The following ELAC1 variants were observed in gnomAD, a reference collection of about 807,000 sequenced individuals.
ELAC1 encodes elaC ribonuclease Z 1, also known as zinc phosphodiesterase ELAC protein 1.
Under a neutral mutation model 25.8 loss-of-function variants are expected in ELAC1, and 19 were observed. The ratio of observed to expected loss-of-function variants is 0.74; its 90% CI spans 0.51 to 1.08. The LOEUF is 1.08. Ranked by LOEUF, ELAC1 falls within the 50% of genes least tolerant of loss-of-function variation. The pLI is 0.00. For synonymous variants in ELAC1, 148 were observed against 160.9 expected, an observed-to-expected ratio of 0.92 and a Z score of 0.61; for missense variants, 403 against 434.6, an observed-to-expected ratio of 0.93 and a Z score of 0.65.
intron 2 of ELAC1, among the ~76,000 whole-genome samples, chr18:50,976,679 A>G (rs1907803571): frequency 6.6e-6 from 1 of 152,106 alleles, no homozygotes; most frequent in South Asian, 2.1e-4. Context: ...CCAGAACCTT[A>G]TGTCCTCACA....
In ELAC1 at chr18:50,986,684, G is replaced by A. The variant is rs752537627; in HGVS notation, c.691G>A (p.Val231Ile). The change falls in exon 4 of 4, where the codon GTT (valine) becomes ATT (isoleucine). Residue 231 changes from valine to isoleucine, a missense_variant. Val to Ile is a conservative substitution (Grantham distance 29). Coordinates refer to ENST00000269466, the MANE Select transcript of ELAC1 (RefSeq NM_018696.3). Reference sequence around the variant, plus strand: ...AATTTCTGTTGTTCTGGAAAATGGGGTTACAATTTCTCCCCAAGATGTCTT... The same window carrying A: ...AATTTCTGTTGTTCTGGAAAATGGGATTACAATTTCTCCCCAAGATGTCTT... ...NGISVVLENG[V>I]TISPQDVLKK... The A allele has an allele frequency of 8.1e-6, 13 of 1,613,984 alleles. No homozygotes were observed. In the South Asian group the frequency reaches 1.3e-4, roughly 16 times the overall value.
At chr18:50,979,133 G>T (rs1907873206) in intron 2 of ELAC1, among the ~76,000 whole-genome samples, 1 of 152,190 alleles carries the variant, frequency 6.6e-6, no homozygotes, top group African/African-American at 2.4e-5. Context: ...CAGAGGTTTG[G>T]CTGTGGGGAT....
At chr18:50,978,951 A>G (rs1253129726) in intron 2 of ELAC1, among the ~76,000 whole-genome samples, 1 of 152,190 alleles carries the variant, frequency 6.6e-6, no homozygotes, top group African/African-American at 2.4e-5. Flanking sequence ...TTCAGGTGCT[A>G]TTCTTTGCTT....
chr18:50,968,960 A>G (rs955170397), intron 1 of ELAC1: 3 of 152,216 alleles, frequency 2.0e-5, no homozygotes, highest in Non-Finnish European at 4.4e-5. Context: ...ATTCTGTTTC[A>G]TCTGTTACCC....
chr18:50,981,047 T>C (rs773652306), intron 2 of ELAC1, among the ~76,000 whole-genome samples: 14 of 152,090 alleles, frequency 9.2e-5, no homozygotes, highest in African/African-American at 3.1e-4. Context: ...TAATGTACAT[T>C]GTACCCATCA....
At chr18:50,976,813 TG>T (rs1450956048) in intron 2 of ELAC1, among the ~76,000 whole-genome samples, 1 of 152,236 alleles carries the variant, frequency 6.6e-6, no homozygotes, top group Non-Finnish European at 1.5e-5. Context: ...CCTATGAACC[TG>T]TAAAATCAAA....
intron 2 of ELAC1, among the ~76,000 whole-genome samples, chr18:50,982,407 A>C (rs1283669145): frequency 6.6e-6 from 1 of 152,238 alleles, no homozygotes; most frequent in Non-Finnish European, 1.5e-5. Context: ...ACTTGATGTT[A>C]TAGAACAAAT....
chr18:50,968,438 G>A (rs536528717), intron 1 of ELAC1: 4 of 152,536 alleles, frequency 2.6e-5, no homozygotes, highest in Non-Finnish European at 5.9e-5. Flanking sequence ...TCAGCTCTAA[G>A]ATGGAGGACA....
At chr18:50,973,475 C>T (rs1343664782) in intron 1 of ELAC1, among the ~76,000 whole-genome samples, 6 of 152,124 alleles carry the variant, frequency 3.9e-5, no homozygotes, top group African/African-American at 1.2e-4. Flanking sequence ...CCCAAGTCCT[C>T]GTGAGTCATG....
intron 2 of ELAC1, among the ~76,000 whole-genome samples, chr18:50,979,651 A>G (rs537610424): frequency 6.6e-5 from 10 of 152,340 alleles, no homozygotes; most frequent in Admixed American, 6.5e-4. Context: ...CGTGAACACC[A>G]GGAGGTAGGG....
chr18:50,986,956 T>C lies in ELAC1; in HGVS notation c.963T>C (p.Val321=). 20 of 1,614,066 alleles carry C rather than the reference T, an allele frequency of 1.2e-5. No homozygotes were observed. Among genetic ancestry groups the C allele is most frequent in the Non-Finnish European group, 1.7e-5 (20 of 1,179,964 alleles). Residue 321 remains valine, a synonymous_variant, in exon 4 of 4, where the codon GTT becomes GTC. Coordinates refer to ENST00000269466, the MANE Select transcript of ELAC1 (RefSeq NM_018696.3). ...ACTTCAGTCAGAGGTACAAACCAGT[T>C]GCCTTGGCCAGAGAAGGAGAAACAG... is the stretch of plus-strand genomic sequence containing the variant. The part of the protein sequence containing the change: ...LTHFSQRYKP[V]ALAREGETDG...
intron 1 of ELAC1, 136 bp downstream of exon 1, chr18:50,968,250 C>CCGGGCCGGAGTCTCGG (rs1303489605): frequency 5.3e-5 from 8 of 152,114 alleles, no homozygotes; most frequent in South Asian, 2.1e-4. Flanking sequence ...GTTCACCGCC[C>CCGGGCCGGAGTCTCGG]CGGGCCGGAG....
At position 50,985,138 on chromosome 18, in the gene ELAC1, A is replaced by G. The variant is rs4940035; in HGVS notation, c.625+575A>G. Among the ~76,000 whole-genome samples the G allele has an allele frequency of 3.4e-3, 512 of 152,294 alleles. 6 individuals are homozygous for G. The East Asian group carries it at 0.042, about 13-fold the overall frequency. On this transcript the variant is annotated intron_variant, in intron 3 of 3. Transcript: ENST00000269466. ...CACATTCTTAGTCTGTCTTCACCTT[A>G]TACTATCTTGGTTGGCAAGGTGATT...
intron 1 of ELAC1, among the ~76,000 whole-genome samples, chr18:50,972,148 G>A (rs1250107401): frequency 6.7e-5 from 10 of 149,838 alleles, no homozygotes; most frequent in Non-Finnish European, 1.5e-4. Flanking sequence ...TAAAGTTTCT[G>A]GATTTTATGT....
chr18:50,968,947 T>C (rs1907578702), intron 1 of ELAC1: 3 of 152,226 alleles, frequency 2.0e-5, no homozygotes, highest in Non-Finnish European at 4.4e-5. Flanking sequence ...CAATTCATGA[T>C]CAATTCTGTT....
chr18:50,974,572 C>G lies in ELAC1; in HGVS notation c.157+11C>G, dbSNP rs768155130. Reference sequence around the variant, plus strand: ...GCCAACTTAAAGCAGGTTAGTGTGCCTTCAGCTATCTCATTAAGATTTTTT... The same window carrying G: ...GCCAACTTAAAGCAGGTTAGTGTGCGTTCAGCTATCTCATTAAGATTTTTT... On this transcript the variant is annotated intron_variant, in intron 2 of 3. Coordinates refer to ENST00000269466, the MANE Select transcript of ELAC1 (RefSeq NM_018696.3). The G allele has an allele frequency of 1.2e-6, 2 of 1,612,862 alleles. No individual in the cohort carries two copies. The highest frequency in any genetic ancestry group is 3.3e-5 in the Admixed American group (2 of 59,980).
At chr18:50,971,939 T>TATATATATAC (rs1320657065) in intron 1 of ELAC1, among the ~76,000 whole-genome samples, 1 of 144,230 alleles carries the variant, frequency 6.9e-6, no homozygotes, top group African/African-American at 2.5e-5. Context: ...TATATATATA[T>TATATATATAC]ATATCCTTTG....
chr18:50,974,375 C>T, intron 1 of ELAC1, 22 bp from the exon 2 acceptor site: 1 of 1,503,458 alleles, frequency 6.7e-7, no homozygotes, highest in Non-Finnish European at 8.9e-7. Flanking sequence ...GAAATAATCC[C>T]CAGATGATCT....
chr18:50,973,000 T>C (rs532678167), intron 1 of ELAC1, among the ~76,000 whole-genome samples: 4 of 152,236 alleles, frequency 2.6e-5, no homozygotes, highest in South Asian at 2.1e-4. Context: ...AGGATGAACA[T>C]CTCTGTGATA....
Sources: allele counts gnomAD v4.1 joint callset (sites outside exome capture counted in the v4.1 genomes callset), GRCh38; gene constraint gnomAD v4.1.1; transcripts MANE v1.5; gene names NCBI Gene and HGNC (gene_info 2026-07-23, HGNC 2026-07-21).